The following PLXDC1 variants were observed in gnomAD, a reference collection of about 807,000 sequenced individuals.
The protein encoded by PLXDC1 is plexin domain-containing protein 1.
In PLXDC1, 39 loss-of-function variants were observed where a neutral mutation model predicts 61.3. The ratio of observed to expected loss-of-function variants is 0.64; its 90% CI spans 0.49 to 0.83. The LOEUF (loss-of-function observed/expected upper bound fraction) is 0.83. Among genes scored for constraint, PLXDC1 ranks in the 40% least tolerant of loss-of-function variants. The probability of loss-of-function intolerance (pLI) is 0.00; values close to 1 mark genes in which losing one functional copy is unlikely to be tolerated. For missense variants in PLXDC1, 596 were observed against 666.5 expected (o/e 0.89, Z 1.17); for synonymous variants, 212 against 254.5 (o/e 0.83, Z 1.59).
At chr17:39,133,381 T>A (rs1911626392) in intron 2 of PLXDC1, among the ~76,000 whole-genome samples, 1 of 152,110 alleles carries the variant, frequency 6.6e-6, no homozygotes. Flanking sequence ...TGTGTGGGAA[T>A]CCAAGTTAGC....
intron 7 of PLXDC1, among the ~76,000 whole-genome samples, chr17:39,099,415 A>T (rs1173067851): frequency 6.6e-6 from 1 of 152,138 alleles, no homozygotes; most frequent in Non-Finnish European, 1.5e-5. Context: ...GGAGGTGCAG[A>T]TGAAACAGAC....
At chr17:39,139,163 G>A (rs1911850619) in intron 2 of PLXDC1, among the ~76,000 whole-genome samples, 1 of 152,194 alleles carries the variant, frequency 6.6e-6, no homozygotes, top group South Asian at 2.1e-4. Context: ...CAAGGAGGTT[G>A]TCTCCAGGAG....
Position 39,139,033 on chromosome 17 carries a change from T to C in PLXDC1, c.255+621A>G, listed in dbSNP as rs538660338. The stretch of plus-strand genomic sequence containing the variant: ...ACCCATTCCCAGAAACGCACAATTA[T>C]ATTAATAGATTCACCCCCAGACACA... On this transcript the variant is annotated intron_variant, in intron 2 of 13. Coordinates refer to ENST00000315392, the MANE Select transcript of PLXDC1 (RefSeq NM_020405.5). Among the ~76,000 whole-genome samples the C allele has an allele frequency of 2.6e-5, 4 of 152,186 alleles. No homozygotes were observed. The South Asian group carries it at 8.3e-4, about 32-fold the overall frequency.
chr17:39,108,439 C>T, intron 4 of PLXDC1, 194 bp from the exon 5 acceptor site: 3 of 601,490 alleles, frequency 5.0e-6, no homozygotes, highest in Non-Finnish European at 8.9e-6. Flanking sequence ...AGGAGAAGGT[C>T]CTCCCTGTCC....
intron 12 of PLXDC1, 21 bp from the exon 13 acceptor site, chr17:39,070,037 C>A (rs927017526): frequency 1.3e-6 from 2 of 1,598,106 alleles, no homozygotes; most frequent in African/African-American, 2.7e-5. Context: ...ATCATTAGGG[C>A]AGACAGGGGC....
intron 9 of PLXDC1, chr17:39,080,315 T>C (rs144463130): frequency 4.8e-4 from 73 of 152,344 alleles, no homozygotes; most frequent in African/African-American, 1.7e-3. Context: ...CTGTGCTAAC[T>C]GATTCTTTCA....
chr17:39,151,675 T>A, upstream of PLXDC1: 1 of 8,394 alleles, frequency 1.2e-4, no homozygotes, highest in Non-Finnish European at 2.8e-4. This position sits in a 1 kb window ranked among gnomAD's most constrained non-coding sequence, Gnocchi z 5.2. Flanking sequence ...TCGGTGGGGG[T>A]GGGGGGGAGC....
chr17:39,118,084 C>CCTTCCTTCCTTCCTTCCTT (rs56792110), intron 2 of PLXDC1, among the ~76,000 whole-genome samples: 2 of 101,810 alleles, frequency 2.0e-5, no homozygotes, highest in African/African-American at 3.8e-5. Context: ...CTCCCTCCCT[C>CCTTCCTTCCTTCCTTCCTT]CCTTCCTTCC....
intron 1 of PLXDC1, among the ~76,000 whole-genome samples, chr17:39,140,198 G>A (rs1381087648): frequency 6.6e-6 from 1 of 152,208 alleles, no homozygotes; most frequent in Non-Finnish European, 1.5e-5. Flanking sequence ...CTCAACCTCA[G>A]CTATACACTG....
intron 2 of PLXDC1, among the ~76,000 whole-genome samples, chr17:39,128,038 A>G (rs1911364679): frequency 7.7e-6 from 1 of 130,232 alleles, no homozygotes. Flanking sequence ...CATACCCACT[A>G]GGACAGCTCT....
At chr17:39,076,998 G>A (rs946291785) in intron 11 of PLXDC1, among the ~76,000 whole-genome samples, 4 of 152,154 alleles carry the variant, frequency 2.6e-5, no homozygotes, top group Non-Finnish European at 5.9e-5. Context: ...CTTCCAAAAT[G>A]CTGGAATTAC....
intron 2 of PLXDC1, among the ~76,000 whole-genome samples, chr17:39,123,653 C>T (rs1325003911): frequency 2.6e-5 from 4 of 152,166 alleles, no homozygotes; most frequent in Non-Finnish European, 5.9e-5. Context: ...GTGGAGGCTG[C>T]CTCCTCAAAG....
chr17:39,089,943 G>GCC (rs1909886271), intron 7 of PLXDC1, among the ~76,000 whole-genome samples: 1 of 152,042 alleles, frequency 6.6e-6, no homozygotes, highest in South Asian at 2.1e-4. Context: ...GATTACAGGT[G>GCC]CCCACCACCA....
chr17:39,085,533 T>A (rs187535090), intron 8 of PLXDC1, among the ~76,000 whole-genome samples: 27 of 152,314 alleles, frequency 1.8e-4, no homozygotes, highest in Admixed American at 3.9e-4. Flanking sequence ...GGTCTGGGTT[T>A]GAACCAAGGT....
chr17:39,093,718 AATAT>A (rs35254356), intron 7 of PLXDC1, among the ~76,000 whole-genome samples: 50,013 of 150,134 alleles, frequency 0.33, 8,793 homozygotes, highest in Admixed American at 0.44. Context: ...TCCGTCTTAA[AATAT>A]ATATATATAT....
At chr17:39,115,440 C>T (rs558892634) in intron 2 of PLXDC1, among the ~76,000 whole-genome samples, 36 of 152,322 alleles carry the variant, frequency 2.4e-4, no homozygotes, top group African/African-American at 8.7e-4. Flanking sequence ...AAGGGCAATG[C>T]CATGCAGAAT....
chr17:39,108,947 A>C lies in PLXDC1; in HGVS notation c.426T>G (p.Pro142=). ...TCTGCCGCAGAGGATGCCCGTAGAA[A>C]GGGAAATCAAAGGACAAGACCACTC... ...ASRVVLSFDF[P]FYGHPLRQIT... is the part of the protein sequence containing the mutation. The change falls in exon 4 of 14, where the codon CCT becomes CCG. Residue 142 remains proline (P), a synonymous_variant. Coordinates refer to ENST00000315392, the MANE Select transcript of PLXDC1 (RefSeq NM_020405.5). 1 of 1,613,656 alleles carries C rather than the reference A, an allele frequency of 6.2e-7. No homozygotes were observed. The highest frequency in any genetic ancestry group is 8.5e-7 in the Non-Finnish European group (1 of 1,179,712).
At chr17:39,128,107 A>ATATATATACATATATACATATATATG (rs1291982693) in intron 2 of PLXDC1, among the ~76,000 whole-genome samples, 1 of 100,632 alleles carries the variant, frequency 9.9e-6, no homozygotes, top group Non-Finnish European at 1.9e-5. Context: ...GTATATATAT[A>ATATATATACATATATACATATATATG]TATATATGTA....
chr17:39,150,469 A>G (rs934081436), intron 1 of PLXDC1, among the ~76,000 whole-genome samples: 3 of 152,002 alleles, frequency 2.0e-5, no homozygotes, highest in Non-Finnish European at 4.4e-5. Flanking sequence ...CTTCTTAATC[A>G]TCTCTGCTGA....
Sources: allele counts gnomAD v4.1 joint callset (sites outside exome capture counted in the v4.1 genomes callset), GRCh38; gene constraint gnomAD v4.1.1; non-coding constraint Gnocchi (gnomAD v3.1); transcripts MANE v1.5; gene names NCBI Gene and HGNC (gene_info 2026-07-23, HGNC 2026-07-21).